TNR: variants seen among roughly 807,000 people sequenced by gnomAD.
TNR encodes the protein tenascin R.
TNR carries 45 observed loss-of-function variants against 150.4 expected under a neutral mutation model. That is an observed-to-expected ratio of 0.30 (90% confidence interval 0.24 to 0.38). The LOEUF (loss-of-function observed/expected upper bound fraction) is 0.38. TNR is among the 10% of genes least tolerant of loss of function. The probability of loss-of-function intolerance (pLI) is 1.00; values close to 1 mark genes in which losing one functional copy is unlikely to be tolerated. For synonymous variants in TNR, 687 were observed against 678.4 expected (o/e 1.01, Z -0.20); for missense variants, 1,544 against 1,759.1 (o/e 0.88, Z 2.19).
At chr1:175,588,249 A>G (rs79482754) in intron 1 of TNR, among the ~76,000 whole-genome samples, 178 of 152,360 alleles carry the variant, frequency 1.2e-3, no homozygotes, top group African/African-American at 4.1e-3. Context: ...TTAATGGCCT[A>G]TCTCAAAACT....
At chr1:175,407,205 G>T (rs1654005074) in intron 2 of TNR, among the ~76,000 whole-genome samples, 1 of 152,112 alleles carries the variant, frequency 6.6e-6, no homozygotes, top group Non-Finnish European at 1.5e-5. Flanking sequence ...ATTGCAAAGG[G>T]ACTCTGCCAG....
chr1:175,586,927 A>G (rs986733146), intron 1 of TNR, among the ~76,000 whole-genome samples: 1 of 152,176 alleles, frequency 6.6e-6, no homozygotes, highest in African/African-American at 2.4e-5. Flanking sequence ...TTAATTACCA[A>G]ATTTGCTCTA....
At chr1:175,436,437 T>C (rs1655514437) in intron 2 of TNR, among the ~76,000 whole-genome samples, 1 of 152,212 alleles carries the variant, frequency 6.6e-6, no homozygotes, top group Admixed American at 6.5e-5. Flanking sequence ...AATCGGCTAC[T>C]GAGGCTTGTG....
chr1:175,396,853 T>C (rs778880860), intron 4 of TNR, 46 bp from the exon 5 acceptor site: 24 of 1,580,870 alleles, frequency 1.5e-5, no homozygotes, highest in Non-Finnish European at 2.0e-5. Context: ...GAGGATTGCC[T>C]TCCCCATCCT....
rs532811386 is a variant in TNR at position 175,469,233 on chromosome 1, A to G, written c.-64+59036T>C. On this transcript the variant is annotated intron_variant, in intron 2 of 22. Coordinates refer to ENST00000367674, the MANE Select transcript of TNR (RefSeq NM_003285.3). ...GATGCACCTTGTTCTCTGGATCCCA[A>G]TAACAAGAAGACCCAGCCTCTGCCT... is the stretch of plus-strand genomic sequence containing the variant. 2.6e-5 allele frequency among the ~76,000 whole-genome samples: 4 copies of G among 152,248 alleles called. No homozygotes were observed. The East Asian group carries it at 5.8e-4, about 22-fold the overall frequency.
chr1:175,369,383 C>T (rs535521405), intron 9 of TNR, among the ~76,000 whole-genome samples: 2 of 152,170 alleles, frequency 1.3e-5, no homozygotes, highest in Non-Finnish European at 2.9e-5. Context: ...CACTCCCTGG[C>T]ATTCCTTGGC....
chr1:175,658,993 A>G (rs1665279698), intron 1 of TNR, among the ~76,000 whole-genome samples: 2 of 152,158 alleles, frequency 1.3e-5, no homozygotes, highest in Admixed American at 1.3e-4. Flanking sequence ...CAAACTAAGC[A>G]CTTTCCAGGG....
chr1:175,657,853 G>GTATATATATATATATATA (rs59315046), intron 1 of TNR, among the ~76,000 whole-genome samples: 12 of 70,474 alleles, frequency 1.7e-4, no homozygotes, highest in African/African-American at 3.5e-4. Context: ...CATGGAACAT[G>GTATATATATATATATATA]TATATATATA....
At chr1:175,742,230 A>C (rs1033071528) in intron 1 of TNR, among the ~76,000 whole-genome samples, 1 of 152,236 alleles carries the variant, frequency 6.6e-6, no homozygotes. Flanking sequence ...CAGTGAAGAA[A>C]GAAGTAATAA....
At chr1:175,714,701 C>CT (rs1351897520) in intron 1 of TNR, among the ~76,000 whole-genome samples, 1 of 152,218 alleles carries the variant, frequency 6.6e-6, no homozygotes, top group Non-Finnish European at 1.5e-5. Flanking sequence ...TCGATAGGCG[C>CT]TTTAATTACT....
At position 175,324,527 on chromosome 1, in the gene TNR, A is replaced by G. The variant is rs1474094960; in HGVS notation, c.3794-8T>C. On this transcript the variant is annotated splice_region_variant and splice_polypyrimidine_tract_variant and intron_variant, in intron 21 of 22. Coordinates refer to ENST00000367674, the MANE Select transcript of TNR (RefSeq NM_003285.3). Reference sequence around the variant, plus strand: ...GATAGCTGAGGGAGTCCCCTGCAAAAAAGATACATTCATTAGGCTGTCCCA... The same window carrying G: ...GATAGCTGAGGGAGTCCCCTGCAAAGAAGATACATTCATTAGGCTGTCCCA... 2 of 1,612,970 alleles carry G rather than the reference A, an allele frequency of 1.2e-6. No homozygotes were observed. The highest frequency in any genetic ancestry group is 2.7e-5 in the African/African-American group (2 of 74,864).
chr1:175,332,452 A>G lies in TNR; in HGVS notation c.3632-2217T>C, dbSNP rs114098020. ...AATCCCTGTTTTGATCTCTGCTTCT[A>G]GAGAACCCCATATAGTACATAAACT... On this transcript the variant is annotated intron_variant, in intron 20 of 22. Transcript: ENST00000367674. Among the ~76,000 whole-genome samples the G allele has an allele frequency of 4.1e-3, 627 of 152,282 alleles. 3 individuals are homozygous for G. Among genetic ancestry groups the G allele is most frequent in the African/African-American group, 0.015 (615 of 41,550 alleles).
intron 2 of TNR, among the ~76,000 whole-genome samples, chr1:175,427,731 TTTCCTTCCTTCC>T (rs138869758): frequency 7.9e-6 from 1 of 126,616 alleles, no homozygotes; most frequent in Non-Finnish European, 1.7e-5. Context: ...CTCTCTTTCT[TTTCCTTCCTTCC>T]TTCCTTCCTT....
chr1:175,382,019 G>C (rs1308687594), intron 8 of TNR, among the ~76,000 whole-genome samples: 1 of 152,198 alleles, frequency 6.6e-6, no homozygotes, highest in Non-Finnish European at 1.5e-5. Context: ...AGGTCATCTA[G>C]GTCTCAGTTA....
At chr1:175,488,125 G>A (rs1264370031) in intron 2 of TNR, among the ~76,000 whole-genome samples, 1 of 152,186 alleles carries the variant, frequency 6.6e-6, no homozygotes, top group Non-Finnish European at 1.5e-5. Flanking sequence ...AAGCAGAGAG[G>A]CAGATTGATT....
chr1:175,625,145 C>A (rs1385558625), intron 1 of TNR, among the ~76,000 whole-genome samples: 1 of 152,252 alleles, frequency 6.6e-6, no homozygotes, highest in Non-Finnish European at 1.5e-5. Context: ...TGAATAGCCA[C>A]AAATTTGGCT....
At chr1:175,697,832 C>T (rs1172413037) in intron 1 of TNR, among the ~76,000 whole-genome samples, 1 of 152,222 alleles carries the variant, frequency 6.6e-6, no homozygotes, top group African/African-American at 2.4e-5. Context: ...ATGTGAGCCT[C>T]ACAATAACCA....
intron 1 of TNR, among the ~76,000 whole-genome samples, chr1:175,535,602 A>T (rs1571573917): frequency 6.7e-6 from 1 of 148,444 alleles, no homozygotes; most frequent in South Asian, 2.1e-4. Flanking sequence ...CTGGGACTAT[A>T]GGCACTCGCC....
chr1:175,661,199 T>A (rs1464307092), intron 1 of TNR, among the ~76,000 whole-genome samples: 1 of 152,112 alleles, frequency 6.6e-6, no homozygotes, highest in Admixed American at 6.5e-5. Context: ...CACAGACCCA[T>A]GACCAAGTGG....
Sources: gnomAD v4.1 joint callset for allele counts (sites outside exome capture counted in the v4.1 genomes callset) on GRCh38, gnomAD v4.1.1 for gene constraint, MANE v1.5 for transcripts, NCBI Gene and HGNC (gene_info 2026-07-23, HGNC 2026-07-21) for gene names.